The following EMILIN1 variants were observed in gnomAD, a reference collection of about 807,000 sequenced individuals.
EMILIN1 encodes the protein EMILIN-1.
EMILIN1 carries 49 observed loss-of-function variants against 82.4 expected under a neutral mutation model. The ratio of observed to expected loss-of-function variants is 0.59; its 90% CI spans 0.47 to 0.75. EMILIN1 has a LOEUF of 0.75. Ranked by LOEUF, EMILIN1 falls within the 30% of genes least tolerant of loss-of-function variation. The probability of loss-of-function intolerance (pLI) is 0.00; values close to 1 mark genes in which losing one functional copy is unlikely to be tolerated. For synonymous variants in EMILIN1, 604 were observed against 602.2 expected (o/e 1.00, Z -0.04); for missense variants, 1,313 against 1,366.4 (o/e 0.96, Z 0.62).
Position 27,082,438 on chromosome 2 carries a change from G to T in EMILIN1, c.867G>T (p.Glu289Asp), listed in dbSNP as rs764117721. Residue 289 changes from glutamate to aspartate, a missense_variant, in exon 4 of 8, where the codon GAG becomes GAT. Physicochemically the swap from Glu to Asp is conservative, Grantham distance 45. Transcript: ENST00000380320. ...PASAPPGPSE[E>D]LLRQLEQRLQ... ...CAGCCCCTCCGGGCCCCAGTGAGGA[G>T]CTGCTGCGGCAGCTGGAGCAGCGGT... 6.3e-7 allele frequency: 1 copy of T among 1,591,934 alleles called. No homozygotes were observed. The highest frequency in any genetic ancestry group is 1.8e-5 in the Admixed American group (1 of 57,046).
intron 2 of EMILIN1, 54 bp downstream of exon 2, chr2:27,080,324 T>A (rs1669451822): frequency 6.2e-7 from 1 of 1,603,004 alleles, no homozygotes; most frequent in Non-Finnish European, 8.5e-7. Context: ...CGAGGGCAGA[T>A]GGTGGGTGGC....
At position 27,083,439 on chromosome 2, in the gene EMILIN1, G is replaced by A. The variant is rs753749516; in HGVS notation, c.1868G>A (p.Arg623His). The A allele has an allele frequency of 4.2e-5, 68 of 1,612,538 alleles. No homozygotes were observed. Among genetic ancestry groups the A allele is most frequent in the African/African-American group, 6.7e-5 (5 of 74,916 alleles). The change falls in exon 4 of 8, where the codon CGT (arginine) becomes CAT (histidine). Residue 623 changes from arginine (R) to histidine (H), a missense_variant. By Grantham distance (29) the Arg-to-His change is conservative. Transcript: ENST00000380320. ...GGTCCAGGTGTTGGGGGCCCAAGCCGTGGGCCCCTGGACGGCTTCAGCGTG... is the reference window on the plus strand; with the variant it reads ...GGTCCAGGTGTTGGGGGCCCAAGCCATGGGCCCCTGGACGGCTTCAGCGTG... ...GAGPGVGGPS[R>H]GPLDGFSVFG...
intron 3 of EMILIN1, among the ~76,000 whole-genome samples, chr2:27,081,260 C>T (rs1265908372): frequency 6.6e-6 from 1 of 152,152 alleles, no homozygotes; most frequent in Non-Finnish European, 1.5e-5. Flanking sequence ...TGGCCAAGAT[C>T]CTTCAAACAG....
Position 27,085,306 on chromosome 2 carries a change from G to A in EMILIN1, c.2713+9G>A. 6.2e-7 allele frequency: 1 copy of A among 1,613,902 alleles called. No homozygotes were observed. The highest frequency in any genetic ancestry group is 8.5e-7 in the Non-Finnish European group (1 of 1,180,004). Reference sequence around the variant, plus strand: ...TTATGATCCAGAGACAGGTAGTCCTGGGAGGGGCTGGGTTGAACGGTTGGA... The same window carrying A: ...TTATGATCCAGAGACAGGTAGTCCTAGGAGGGGCTGGGTTGAACGGTTGGA... On this transcript the variant is annotated intron_variant, in intron 7 of 7. Coordinates refer to ENST00000380320, the MANE Select transcript of EMILIN1 (RefSeq NM_007046.4).
rs777751807 is a variant in EMILIN1, at chr2:27,085,687, C to T, written c.2723C>T (p.Thr908Ile). Residue 908 changes from threonine to isoleucine, a missense_variant, in exon 8 of 8, where the codon ACA becomes ATA. Coordinates refer to ENST00000380320, the MANE Select transcript of EMILIN1 (RefSeq NM_007046.4). The part of the protein sequence containing the change: ...GYYDPETGVF[T>I]APLAGRYLLS... ...CTATCCTTGTCCCCAGGCGTGTTCA[C>T]AGCGCCACTGGCTGGACGCTACTTG... is the stretch of plus-strand genomic sequence containing the variant. 12 of 1,598,004 alleles carry T rather than the reference C, an allele frequency of 7.5e-6. No individual in the cohort carries two copies. Among genetic ancestry groups the T allele is most frequent in the Non-Finnish European group, 1.0e-5 (12 of 1,168,048 alleles).
chr2:27,081,056 C>A, intron 3 of EMILIN1, 104 bp downstream of exon 3: 1 of 847,420 alleles, frequency 1.2e-6, no homozygotes, highest in Non-Finnish European at 1.8e-6. Context: ...TGCTCTATGC[C>A]AGAGAGAAGA....
rs771835679 is a variant in EMILIN1, at chr2:27,082,382, AGTG to A, written c.813_815del (p.Ser271_Gly272delinsArg). Reference sequence around the variant, plus strand: ...CAACCATCATGGCGGCAGCAGCAGCAGTGGGGGCAGCAGGGCCCCAGCCCCAGC... The same window carrying A: ...CAACCATCATGGCGGCAGCAGCAGCAGGGGCAGCAGGGCCCCAGCCCCAGC... On this transcript the variant is annotated inframe_deletion, in exon 4 of 8. Coordinates refer to ENST00000380320, the MANE Select transcript of EMILIN1 (RefSeq NM_007046.4). 6.2e-7 allele frequency: 1 copy of A among 1,610,350 alleles called. No homozygotes were observed. Among genetic ancestry groups the A allele is most frequent in the Non-Finnish European group, 8.5e-7 (1 of 1,179,322 alleles).
rs774959388 is a variant in EMILIN1 at position 27,082,493 on chromosome 2, G to A, written c.922G>A (p.Gly308Arg). Residue 308 changes from glycine to arginine, a missense_variant, in exon 4 of 8, where the codon GGG (glycine) becomes AGG (arginine). Transcript: ENST00000380320. ...GGAGTCCTGCTCCGTGTGCCTGGCC[G>A]GGCTAGATGGCTTCCGCCGGCAGCA... ...LQESCSVCLA[G>R]LDGFRRQQQE... 1.3e-5 allele frequency: 20 copies of A among 1,549,964 alleles called. No individual in the cohort carries two copies. The highest frequency in any genetic ancestry group is 1.7e-4 in the Middle Eastern group (1 of 5,882).
rs369014345 is a variant in EMILIN1 at position 27,079,185 on chromosome 2, C to T, written c.120C>T (p.Ser40=). 44 of 1,581,900 alleles carry T rather than the reference C, an allele frequency of 2.8e-5. No homozygotes were observed. The African/African-American group carries it at 5.7e-4, about 20-fold the overall frequency. ...ACACAGGTTCCAGTGGGGCCCTCAG[C>T]CCCGGGGGGCCCCAGGCCCAGATTG... ...SLYTGSSGAL[S]PGGPQAQIAP... The change falls in exon 1 of 8, where the codon AGC becomes AGT. Residue 40 remains serine, a synonymous_variant. Coordinates refer to ENST00000380320, the MANE Select transcript of EMILIN1 (RefSeq NM_007046.4).
chr2:27,083,613 C>T lies in EMILIN1; in HGVS notation c.2042C>T (p.Thr681Ile). 6.2e-7 allele frequency: 1 copy of T among 1,612,928 alleles called. No homozygotes were observed. Among genetic ancestry groups the T allele is most frequent in the Non-Finnish European group, 8.5e-7 (1 of 1,179,124 alleles). The change falls in exon 4 of 8, where the codon ACC becomes ATC. Residue 681 changes from threonine to isoleucine, a missense_variant. Thr to Ile is a moderately conservative substitution (Grantham distance 89). Coordinates refer to ENST00000380320, the MANE Select transcript of EMILIN1 (RefSeq NM_007046.4). ...QGADLADLGA[T>I]KDRIISEINR... is the part of the protein sequence containing the mutation. ...GCTGATCTGGCTGACCTGGGGGCAA[C>T]CAAGGACCGTATCATTTCTGAGATT...
intron 2 of EMILIN1, 51 bp from the exon 3 acceptor site, chr2:27,080,681 G>T (rs956314737): frequency 3.4e-6 from 5 of 1,491,774 alleles, no homozygotes; most frequent in Non-Finnish European, 4.6e-6. Context: ...AGGGACCAGG[G>T]TCACTGACCG....
chr2:27,081,235 C>A (rs1218923364), intron 3 of EMILIN1, among the ~76,000 whole-genome samples: 1 of 152,058 alleles, frequency 6.6e-6, no homozygotes, highest in Admixed American at 6.6e-5. Flanking sequence ...AGAAGGTGCT[C>A]GCACACGCCC....
Position 27,083,386 on chromosome 2 carries a change from CCT to C in EMILIN1, c.1816_1817del (p.Leu606ValfsTer43), listed in dbSNP as rs1349281483. On this transcript the variant is annotated frameshift_variant, in exon 4 of 8. Transcript: ENST00000380320. LOFTEE classifies it high-confidence loss of function. Reference sequence around the variant, plus strand: ...ATGGTGTGGAGCGCTGCTCCTGCCCCCTGTTGCCTCCTCGGGGTCCTGGGGCT... The same window carrying C: ...ATGGTGTGGAGCGCTGCTCCTGCCCCGTTGCCTCCTCGGGGTCCTGGGGCT... Reference protein sequence around the residue: ...RDGVERCSCPLLPPRGPGAGP... With the variant: ...RDGVERCSCPXLPPRGPGAGP... The C allele has an allele frequency of 6.8e-6, 11 of 1,612,046 alleles. No homozygotes were observed. The Admixed American group carries it at 1.2e-4, about 17-fold the overall frequency.
In EMILIN1 at chr2:27,080,972, C is replaced by T. The variant is rs774586575; in HGVS notation, c.511+20C>T. The T allele has an allele frequency of 3.9e-5, 60 of 1,521,328 alleles. No homozygotes were observed. Among genetic ancestry groups the T allele is most frequent in the Admixed American group, 8.0e-5 (4 of 49,924 alleles). The allele number at this position is 1,521,328 out of a possible 1,614,324, so 94.2% of individuals were successfully genotyped here. ...GAGAAGGTGAGTGTGGGAGCTGCTGCGAGGGTGGCAAGTTCCAAATGGTGA... is the reference window on the plus strand; with the variant it reads ...GAGAAGGTGAGTGTGGGAGCTGCTGTGAGGGTGGCAAGTTCCAAATGGTGA... On this transcript the variant is annotated intron_variant, in intron 3 of 7. Transcript: ENST00000380320.
At position 27,080,089 on chromosome 2, in the gene EMILIN1, C is replaced by T; in HGVS notation, c.171-62C>T. On this transcript the variant is annotated intron_variant, in intron 1 of 7. Coordinates refer to ENST00000380320, the MANE Select transcript of EMILIN1 (RefSeq NM_007046.4). Reference sequence around the variant, plus strand: ...CCTTCTTCAGCCCCTCTGGTAGCCCCTGGGCCCTCCTCCAGGGCATGTATC... The same window carrying T: ...CCTTCTTCAGCCCCTCTGGTAGCCCTTGGGCCCTCCTCCAGGGCATGTATC... 4 of 1,597,442 alleles carry T rather than the reference C, an allele frequency of 2.5e-6. No individual in the cohort carries two copies. In the South Asian group the frequency reaches 3.3e-5, roughly 13 times the overall value.
chr2:27,085,789 G>A lies in EMILIN1; in HGVS notation c.2825G>A (p.Arg942His). ...VLSRSNQGVA[R>H]VDSGGYEPEG... ...TCCCGCTCCAACCAGGGCGTGGCCC[G>A]CGTAGACTCCGGTGGCTACGAGCCT... Residue 942 changes from arginine (R) to histidine (H), a missense_variant, in exon 8 of 8, where the codon CGC (arginine) becomes CAC (histidine). Coordinates refer to ENST00000380320, the MANE Select transcript of EMILIN1 (RefSeq NM_007046.4). 1 of 1,612,640 alleles carries A rather than the reference G, an allele frequency of 6.2e-7. No individual in the cohort carries two copies. Among genetic ancestry groups the A allele is most frequent in the Non-Finnish European group, 8.5e-7 (1 of 1,179,816 alleles).
rs1417570203 is a variant in EMILIN1, at chr2:27,085,202, T to A, written c.2618T>A (p.Phe873Tyr). 6.2e-7 allele frequency: 1 copy of A among 1,614,182 alleles called. No individual in the cohort carries two copies. ...APAAPVPQVAFSAALSLPRSE... is the reference protein window; with the variant it reads ...APAAPVPQVAYSAALSLPRSE... ...GCAGCCCCTGTGCCCCAAGTGGCAT[T>A]TTCAGCTGCTCTGAGTTTGCCCCGG... Residue 873 changes from phenylalanine to tyrosine, a missense_variant, in exon 7 of 8, where the codon TTT becomes TAT. By Grantham distance (22) the Phe-to-Tyr change is conservative. Coordinates refer to ENST00000380320, the MANE Select transcript of EMILIN1 (RefSeq NM_007046.4).
At chr2:27,081,376 C>T (rs1426089344) in intron 3 of EMILIN1, among the ~76,000 whole-genome samples, 1 of 152,180 alleles carries the variant, frequency 6.6e-6, no homozygotes. Context: ...TCCCAGACCC[C>T]TCCGTGGCCT....
rs534735729 is a variant in EMILIN1, at chr2:27,083,105, C to T, written c.1534C>T (p.Arg512Trp). ...GGTGCTGGACAGTGAGGGGCAGCTG[C>T]GGCTGGTGGGCTCCGGCCTGCACAC... ...RRVLDSEGQLRLVGSGLHTVE... is the reference protein window; with the variant it reads ...RRVLDSEGQLWLVGSGLHTVE... The change falls in exon 4 of 8, where the codon CGG (arginine) becomes TGG (tryptophan). Residue 512 changes from arginine to tryptophan, a missense_variant. Transcript: ENST00000380320. The T allele has an allele frequency of 2.5e-5, 39 of 1,562,700 alleles. No homozygotes were observed. The highest frequency in any genetic ancestry group is 3.7e-5 in the Admixed American group (2 of 54,576).
Sources: allele counts gnomAD v4.1 joint callset (sites outside exome capture counted in the v4.1 genomes callset), GRCh38; gene constraint gnomAD v4.1.1; transcripts MANE v1.5; gene names NCBI Gene and HGNC (gene_info 2026-07-23, HGNC 2026-07-21).